Variants in TENM3 observed in about 807,000 individuals in gnomAD.
TENM3 encodes teneurin transmembrane protein 3.
In TENM3, 63 loss-of-function variants were observed where a neutral mutation model predicts 255.1. The ratio of observed to expected loss-of-function variants is 0.25; its 90% CI spans 0.20 to 0.30. The LOEUF is 0.30. TENM3 is among the 10% of genes least tolerant of loss of function. The probability of loss-of-function intolerance (pLI) is 1.00; values close to 1 mark genes in which losing one functional copy is unlikely to be tolerated. For missense variants in TENM3, 2,929 were observed against 3,461.1 expected, an observed-to-expected ratio of 0.85 and a Z score of 3.86; for synonymous variants, 1,306 against 1,322.3, an observed-to-expected ratio of 0.99 and a Z score of 0.27.
At chr4:182,453,846 A>G (rs1028879276) in intron 3 of TENM3, among the ~76,000 whole-genome samples, 1 of 152,180 alleles carries the variant, frequency 6.6e-6, no homozygotes, top group Non-Finnish European at 1.5e-5. Context: ...TCTAACCATT[A>G]TTTCATTTTA....
At chr4:182,287,434 A>G (rs901594400) in intron 1 of TENM3, among the ~76,000 whole-genome samples, 10 of 152,044 alleles carry the variant, frequency 6.6e-5, no homozygotes, top group Admixed American at 1.3e-4. Context: ...ATGCCCTTTC[A>G]CCAGACCCTC....
chr4:181,651,003 G>C, the TENM3 span, among the ~76,000 whole-genome samples: 1 of 152,188 alleles, frequency 6.6e-6, no homozygotes, highest in Non-Finnish European at 1.5e-5. Context: ...CTTCTTACTT[G>C]TTAGGTGATT....
chr4:181,535,854 C>T, the TENM3 span, among the ~76,000 whole-genome samples: 2 of 152,112 alleles, frequency 1.3e-5, no homozygotes, highest in African/African-American at 4.8e-5. Context: ...ACCACAGCTC[C>T]TCATTAAGCC....
the TENM3 span, among the ~76,000 whole-genome samples, chr4:181,888,007 A>G: frequency 6.6e-6 from 1 of 152,090 alleles, no homozygotes; most frequent in Admixed American, 6.6e-5. Flanking sequence ...ATTTTATTCT[A>G]TTCTATTCTA....
In TENM3 at chr4:182,436,688, AC is replaced by A. The variant is rs369933115; in HGVS notation, c.511+89761del. The stretch of plus-strand genomic sequence containing the variant: ...ACATATGATAATATAGGTCACACAC[AC>A]CTTGTTACCTCTCTTGACTTCTAAA... On this transcript the variant is annotated intron_variant, in intron 3 of 27. Coordinates refer to ENST00000511685, the MANE Select transcript of TENM3 (RefSeq NM_001080477.4). 6.6e-5 allele frequency among the ~76,000 whole-genome samples: 10 copies of A among 152,282 alleles called. 1 individual carries two copies. In the South Asian group the frequency reaches 1.7e-3, roughly 25 times the overall value.
At chr4:181,543,968 A>G in the TENM3 span, among the ~76,000 whole-genome samples, 5 of 152,310 alleles carry the variant, frequency 3.3e-5, no homozygotes, top group African/African-American at 1.2e-4. Flanking sequence ...ATGAAAGCCC[A>G]TGGGTCCATT....
chr4:182,517,559 A>C (rs527667983), intron 3 of TENM3, among the ~76,000 whole-genome samples: 1 of 145,668 alleles, frequency 6.9e-6, no homozygotes, highest in Non-Finnish European at 1.5e-5. Flanking sequence ...AATTTTTTGT[A>C]TTTTTAGTAG....
At chr4:182,364,854 T>C (rs1001989551) in intron 3 of TENM3, among the ~76,000 whole-genome samples, 1 of 152,246 alleles carries the variant, frequency 6.6e-6, no homozygotes, top group African/African-American at 2.4e-5. Context: ...CTTTCGCTAC[T>C]ATAAGTGATT....
chr4:182,237,406 C>A (rs913061822), intron 1 of TENM3, among the ~76,000 whole-genome samples: 3 of 149,106 alleles, frequency 2.0e-5, no homozygotes, highest in African/African-American at 5.0e-5. Context: ...CACTCTGTCG[C>A]CTAGGCTGGG....
At chr4:182,641,517 C>A (rs1416562620) in intron 5 of TENM3, among the ~76,000 whole-genome samples, 2 of 150,688 alleles carry the variant, frequency 1.3e-5, no homozygotes, top group African/African-American at 4.9e-5. Flanking sequence ...AAGTAGTATG[C>A]AGTTTTTTTT....
chr4:181,653,758 T>C, the TENM3 span, among the ~76,000 whole-genome samples: 2 of 151,146 alleles, frequency 1.3e-5, no homozygotes, highest in African/African-American at 2.4e-5. Context: ...AGGTTTGTTA[T>C]ATAGGTATAC....
At position 182,730,331 on chromosome 4, in the gene TENM3, C is replaced by A. The variant is rs202191329; in HGVS notation, c.2705+12C>A. ...CGCCAGGACGGAATGTGAGTTAGTCCCATCACACTATCTCTGAAGGATTTG... is the reference window on the plus strand; with the variant it reads ...CGCCAGGACGGAATGTGAGTTAGTCACATCACACTATCTCTGAAGGATTTG... On this transcript the variant is annotated intron_variant, in intron 15 of 27. Transcript: ENST00000511685. 7.0e-5 allele frequency: 113 copies of A among 1,613,074 alleles called. No individual in the cohort carries two copies. In the African/African-American group the frequency reaches 1.0e-3, roughly 14 times the overall value.
At chr4:181,701,406 C>A in the TENM3 span, among the ~76,000 whole-genome samples, 29 of 152,336 alleles carry the variant, frequency 1.9e-4, no homozygotes, top group Non-Finnish European at 3.7e-4. Flanking sequence ...ATACATCATG[C>A]ATAAACATTG....
At chr4:181,650,949 G>T in the TENM3 span, among the ~76,000 whole-genome samples, 46,629 of 152,062 alleles carry the variant, frequency 0.31, 7,498 homozygotes, top group South Asian at 0.44. Context: ...CACAAGTAAA[G>T]TCCTAAGTGT....
chr4:181,915,689 G>T, the TENM3 span, among the ~76,000 whole-genome samples: 3 of 149,458 alleles, frequency 2.0e-5, no homozygotes, highest in African/African-American at 7.4e-5. Flanking sequence ...GGAGGGGAAG[G>T]GGGGAGGGGA....
chr4:182,737,703 G>T (rs1013168056), intron 17 of TENM3, among the ~76,000 whole-genome samples: 15 of 152,140 alleles, frequency 9.9e-5, no homozygotes, highest in African/African-American at 3.6e-4. Flanking sequence ...ACTAAAGAAT[G>T]ATATGTTTTT....
At chr4:182,260,915 G>A (rs1240909099) in intron 1 of TENM3, among the ~76,000 whole-genome samples, 1 of 151,680 alleles carries the variant, frequency 6.6e-6, no homozygotes, top group African/African-American at 2.4e-5. Flanking sequence ...TTGCCCTGTT[G>A]CCCAGGCTGG....
At chr4:182,661,481 T>G (rs946919657) in intron 6 of TENM3, among the ~76,000 whole-genome samples, 1 of 152,178 alleles carries the variant, frequency 6.6e-6, no homozygotes, top group Non-Finnish European at 1.5e-5. Flanking sequence ...TGAGTTTTGT[T>G]CAATAGTGTT....
At chr4:182,687,619 G>A (rs927914894) in intron 11 of TENM3, among the ~76,000 whole-genome samples, 3 of 152,190 alleles carry the variant, frequency 2.0e-5, no homozygotes, top group African/African-American at 4.8e-5. Flanking sequence ...ATGCATGTCT[G>A]TGTCAGAAGC....
Sources: allele counts gnomAD v4.1 joint callset (sites outside exome capture counted in the v4.1 genomes callset), GRCh38; gene constraint gnomAD v4.1.1; transcripts MANE v1.5; gene names NCBI Gene and HGNC (gene_info 2026-07-23, HGNC 2026-07-21).